AFF1: variants seen among roughly 807,000 people sequenced by gnomAD.
AFF1 encodes AF4/FMR2 family member 1.
AFF1 carries 48 observed loss-of-function variants against 121.7 expected under a neutral mutation model. The ratio of observed to expected loss-of-function variants is 0.39; its 90% CI spans 0.31 to 0.50. The LOEUF (loss-of-function observed/expected upper bound fraction) is 0.50, where lower values mean the gene tolerates loss of function less well. AFF1 is among the 20% of genes least tolerant of loss of function. The pLI is 0.76. For synonymous variants in AFF1, 613 were observed against 563.0 expected (o/e 1.09, Z -1.26); for missense variants, 1,523 against 1,511.7 (o/e 1.01, Z -0.12).
intron 4 of AFF1, among the ~76,000 whole-genome samples, chr4:87,065,550 A>G (rs2149664042): frequency 6.6e-6 from 1 of 152,364 alleles, no homozygotes; most frequent in South Asian, 2.1e-4. Context: ...CTGATCTAAA[A>G]AAATAGTACA....
chr4:86,950,050 G>A, intron 2 of AFF1: 1 of 1,614,112 alleles, frequency 6.2e-7, no homozygotes, highest in Non-Finnish European at 8.5e-7. Context: ...TGTAGAGAGG[G>A]TGATTGATGT....
intron 2 of AFF1, among the ~76,000 whole-genome samples, chr4:87,000,603 C>CTGTGTG (rs777829987): frequency 0.14 from 10,371 of 76,256 alleles, 462 homozygotes; most frequent in South Asian, 0.21. Flanking sequence ...AAAAAATAAA[C>CTGTGTG]TCTGTGTGTG....
chr4:86,969,764 C>G (rs1328596218), intron 2 of AFF1, among the ~76,000 whole-genome samples: 2 of 150,374 alleles, frequency 1.3e-5, no homozygotes, highest in East Asian at 3.9e-4. Context: ...CCTATAGTCC[C>G]AGCTACTCGG....
chr4:87,114,830 C>G lies in AFF1; in HGVS notation c.1997C>G (p.Pro666Arg). The change falls in exon 12 of 21, where the codon CCC (proline) becomes CGC (arginine). Residue 666 changes from proline (P) to arginine (R), a missense_variant. Transcript: ENST00000395146. ...GRPRAAASNE[P>R]KPAVPPSSEK... ...CCCCGGGCCGCAGCAAGCAACGAAC[C>G]CAAGCCAGCAGTGCCCCCCTCCAGT... The G allele has an allele frequency of 6.2e-7, 1 of 1,613,874 alleles. No individual in the cohort carries two copies. The highest frequency in any genetic ancestry group is 2.2e-5 in the East Asian group (1 of 44,850).
At chr4:86,949,134 G>T (rs1721077987) in intron 2 of AFF1, among the ~76,000 whole-genome samples, 2 of 150,774 alleles carry the variant, frequency 1.3e-5, no homozygotes, top group Non-Finnish European at 2.9e-5. Flanking sequence ...TCACTGATTA[G>T]TTTTTATTTA....
At chr4:87,134,323 G>A (rs1399725499) in intron 19 of AFF1, 148 bp from the exon 20 acceptor site, 1 of 734,564 alleles carries the variant, frequency 1.4e-6, no homozygotes. Context: ...CGTTGACCTT[G>A]TAGGAGTGAC....
chr4:86,984,512 C>T (rs1724052278), intron 2 of AFF1, among the ~76,000 whole-genome samples: 1 of 152,054 alleles, frequency 6.6e-6, no homozygotes, highest in Admixed American at 6.6e-5. Flanking sequence ...TTAGTAGAGA[C>T]AGGGTTTCAC....
intron 2 of AFF1, among the ~76,000 whole-genome samples, chr4:87,000,605 CTGTGTGTGTGTG>C (rs57615388): frequency 0.16 from 23,377 of 146,456 alleles, 2,263 homozygotes; most frequent in East Asian, 0.3. Context: ...AAAATAAACT[CTGTGTGTGTGTG>C]TGTGTGTGTG....
intron 2 of AFF1, among the ~76,000 whole-genome samples, chr4:87,006,772 ACT>A (rs1200494530): frequency 6.6e-6 from 1 of 152,090 alleles, no homozygotes; most frequent in East Asian, 1.9e-4. Flanking sequence ...GCAAGAGAGC[ACT>A]CTCGAGGAGC....
At chr4:87,109,150 A>C (rs2149753722) in intron 11 of AFF1, among the ~76,000 whole-genome samples, 1 of 152,322 alleles carries the variant, frequency 6.6e-6, no homozygotes, top group African/African-American at 2.4e-5. Context: ...CATCGAGAAA[A>C]TTATTCCATG....
Position 87,085,439 on chromosome 4 carries a change from C to CT in AFF1, c.1104+1287dup, listed in dbSNP as rs912612374. Among the ~76,000 whole-genome samples, 547 of 134,962 alleles carry CT rather than the reference C, an allele frequency of 4.1e-3. 3 individuals carry two copies. Among genetic ancestry groups the CT allele is most frequent in the African/African-American group, 9.3e-3 (341 of 36,854 alleles). The allele number at this position is 134,962 out of a possible 152,430, so 88.5% of individuals were successfully genotyped here. On this transcript the variant is annotated intron_variant, in intron 5 of 20. Coordinates refer to ENST00000395146, the MANE Select transcript of AFF1 (RefSeq NM_001166693.3). ...CTGTAGGGTTTCTGACTTTTTTCTT[C>CT]TTTTTTTTTTTTAATTAGTAGAGAG...
chr4:86,953,210 C>G (rs1721498015), intron 2 of AFF1, among the ~76,000 whole-genome samples: 1 of 151,950 alleles, frequency 6.6e-6, no homozygotes, highest in Non-Finnish European at 1.5e-5. Flanking sequence ...AGTTTTAGTA[C>G]CTACTACAAG....
chr4:87,042,826 G>A (rs1730292011), intron 2 of AFF1, among the ~76,000 whole-genome samples: 1 of 152,160 alleles, frequency 6.6e-6, no homozygotes, highest in Non-Finnish European at 1.5e-5. Context: ...GTGAAAGAAT[G>A]GCTTAATTGT....
intron 12 of AFF1, among the ~76,000 whole-genome samples, chr4:87,117,215 G>A (rs760569498): frequency 3.9e-5 from 6 of 152,230 alleles, no homozygotes; most frequent in Non-Finnish European, 7.3e-5. Context: ...TGTGGGAACT[G>A]TGCCCTCTAT....
Position 87,134,499 on chromosome 4 carries a change from C to T in AFF1, c.3340C>T (p.Pro1114Ser), listed in dbSNP as rs1299741599. The stretch of plus-strand genomic sequence containing the variant: ...CACAGGCACACCATCCCCTCTTTCC[C>T]CAATGCCTTCTCCTGCCAGCTCCGT... ...RSTGTPSPLSPMPSPASSVGS... is the reference protein window; with the variant it reads ...RSTGTPSPLSSMPSPASSVGS... Residue 1114 changes from proline to serine, a missense_variant, in exon 20 of 21, where the codon CCA becomes TCA. Physicochemically the swap from Pro to Ser is moderately conservative, Grantham distance 74 (BLOSUM62 -1). Coordinates refer to ENST00000395146, the MANE Select transcript of AFF1 (RefSeq NM_001166693.3). 8 of 1,609,388 alleles carry T rather than the reference C, an allele frequency of 5.0e-6. No individual in the cohort carries two copies. The highest frequency in any genetic ancestry group is 5.1e-6 in the Non-Finnish European group (6 of 1,177,916).
In AFF1 at chr4:86,948,550, G is replaced by C. The variant is rs1721031742; in HGVS notation, c.17G>C (p.Arg6Thr). Residue 6 changes from arginine (R) to threonine (T), a missense_variant, in exon 2 of 21, where the codon AGA (arginine) becomes ACA (threonine). Physicochemically the swap from Arg to Thr is moderately conservative, Grantham distance 71. Coordinates refer to ENST00000395146, the MANE Select transcript of AFF1 (RefSeq NM_001166693.3). Reference protein sequence around the residue: MAFTERVNSSGNSLYN... With the variant: MAFTETVNSSGNSLYN... ...CTGGAAACAATGGCATTTACAGAAA[G>C]AGTCAACAGCAGTGGCAACAGGTAA... 6.5e-7 allele frequency: 1 copy of C among 1,536,948 alleles called. No individual in the cohort carries two copies. The highest frequency in any genetic ancestry group is 8.7e-7 in the Non-Finnish European group (1 of 1,146,730).
intron 15 of AFF1, 151 bp downstream of exon 15, chr4:87,127,268 C>G: frequency 1.5e-6 from 1 of 688,444 alleles, no homozygotes; most frequent in South Asian, 1.8e-5. Context: ...TCAAGTGATT[C>G]TCCTGCCTCA....
At chr4:87,019,837 A>G (rs1402297076) in intron 2 of AFF1, among the ~76,000 whole-genome samples, 4 of 129,360 alleles carry the variant, frequency 3.1e-5, no homozygotes, top group African/African-American at 1.1e-4. Flanking sequence ...AAACCAGTCT[A>G]TCAGAAGTTC....
chr4:87,043,938 C>A (rs995140105), intron 2 of AFF1, among the ~76,000 whole-genome samples: 5 of 152,160 alleles, frequency 3.3e-5, no homozygotes, highest in African/African-American at 1.2e-4. Context: ...CCTGCCTCAG[C>A]CCCCAGAGTA....
Sources: allele counts gnomAD v4.1 joint callset (sites outside exome capture counted in the v4.1 genomes callset), GRCh38; gene constraint gnomAD v4.1.1; transcripts MANE v1.5; gene names NCBI Gene and HGNC (gene_info 2026-07-23, HGNC 2026-07-21).